Variants in EXOC3L2 observed in about 807,000 individuals in gnomAD.
EXOC3L2 encodes exocyst complex component 3 like 2, also known as exocyst complex component 3-like protein 2.
In EXOC3L2, 17 loss-of-function variants were observed where a neutral mutation model predicts 44.4. That is an observed-to-expected ratio of 0.38 (90% CI 0.26 to 0.57). EXOC3L2 has a LOEUF of 0.57. Ranked by LOEUF, EXOC3L2 falls within the 20% of genes least tolerant of loss-of-function variation. EXOC3L2 has a pLI of 0.65. For missense variants in EXOC3L2, 541 were observed against 588.4 expected (o/e 0.92, Z 0.83); for synonymous variants, 256 against 253.7 (o/e 1.01, Z -0.09).
chr19:45,245,369 C>A lies in EXOC3L2; in HGVS notation c.-45G>T. ...TGTCCTCCTGCCCGTCCTTCTGTTC[C>A]CGCTGCTGTCCTGTCCCCAGGCTAC... On this transcript the variant is annotated 5_prime_UTR_variant, in exon 1 of 12. Coordinates refer to ENST00000413988, the MANE Select transcript of EXOC3L2 (RefSeq NM_001382422.1). 6.5e-6 allele frequency: 1 copy of A among 152,856 alleles called. No individual in the cohort carries two copies. 9.5% of individuals were successfully genotyped at this position (152,856 alleles called of 1,614,324 possible).
chr19:45,223,007 C>A (rs1477137536), intron 8 of EXOC3L2, among the ~76,000 whole-genome samples: 1 of 152,136 alleles, frequency 6.6e-6, no homozygotes, highest in Non-Finnish European at 1.5e-5. Context: ...AATCCCAACA[C>A]TTTGGGAGGC....
In EXOC3L2 at chr19:45,218,201, T is replaced by A; in HGVS notation, c.1838A>T (p.Tyr613Phe). The A allele has an allele frequency of 8.0e-7, 1 of 1,249,282 alleles. No individual in the cohort carries two copies. The highest frequency in any genetic ancestry group is 1.1e-6 in the Non-Finnish European group (1 of 951,740). 77.4% of individuals were successfully genotyped at this position (1,249,282 alleles called of 1,614,324 possible). The change falls in exon 9 of 12, where the codon TAC becomes TTC. Residue 613 changes from tyrosine (Y) to phenylalanine (F), a missense_variant. Tyr to Phe is a conservative substitution (Grantham distance 22). Coordinates refer to ENST00000413988, the MANE Select transcript of EXOC3L2 (RefSeq NM_001382422.1). ...LALRRMQDEP[Y>F]QALVAELHRR... ...CCTCCCCTCAGGCAGGTGCACCTGG[T>A]AAGGCTCGTCCTGCATTCTGCGCAG...
intron 8 of EXOC3L2, among the ~76,000 whole-genome samples, chr19:45,222,544 C>G (rs906993984): frequency 6.6e-6 from 1 of 152,038 alleles, no homozygotes; most frequent in African/African-American, 2.4e-5. Flanking sequence ...TCCCTCTGTC[C>G]CAGTCTCTCT....
intron 1 of EXOC3L2, among the ~76,000 whole-genome samples, chr19:45,242,474 A>G (rs981569098): frequency 6.6e-6 from 1 of 151,202 alleles, no homozygotes; most frequent in Non-Finnish European, 1.5e-5. Context: ...CTGGTCTGGA[A>G]CTCCTGCTCC....
At position 45,227,643 on chromosome 19, in the gene EXOC3L2, AC is replaced by A; in HGVS notation, c.1583+18del. Reference sequence around the variant, plus strand: ...ACCTTGGATTGGTCCTCCCTCCATCACACCATGGATGCCCTCACCTCAGTGG... The same window carrying A: ...ACCTTGGATTGGTCCTCCCTCCATCAACCATGGATGCCCTCACCTCAGTGG... On this transcript the variant is annotated intron_variant, in intron 7 of 11. Coordinates refer to ENST00000413988, the MANE Select transcript of EXOC3L2 (RefSeq NM_001382422.1). 6.3e-7 allele frequency: 1 copy of A among 1,598,342 alleles called. No homozygotes were observed. The highest frequency in any genetic ancestry group is 1.1e-5 in the South Asian group (1 of 88,150).
chr19:45,227,661 C>A lies in EXOC3L2; in HGVS notation c.1583+1G>T. On this transcript the variant is annotated splice_donor_variant, in intron 7 of 11. Coordinates refer to ENST00000413988, the MANE Select transcript of EXOC3L2 (RefSeq NM_001382422.1). LOFTEE classifies it high-confidence loss of function. ...CTCCATCACACCATGGATGCCCTCA[C>A]CTCAGTGGGGGGCCGCAGTTGACCA... 6.2e-7 allele frequency: 1 copy of A among 1,609,264 alleles called. No homozygotes were observed. The highest frequency in any genetic ancestry group is 8.5e-7 in the Non-Finnish European group (1 of 1,178,432).
intron 7 of EXOC3L2, among the ~76,000 whole-genome samples, chr19:45,225,184 G>A (rs1969944664): frequency 7.9e-6 from 1 of 126,990 alleles, no homozygotes; most frequent in Non-Finnish European, 1.6e-5. Flanking sequence ...GGGAGGGAAG[G>A]GGGGTCTCTC....
intron 10 of EXOC3L2, among the ~76,000 whole-genome samples, chr19:45,216,506 G>A (rs1969836684): frequency 6.6e-6 from 1 of 152,084 alleles, no homozygotes; most frequent in African/African-American, 2.4e-5. Context: ...TTGAAATCGA[G>A]AGGCAGAGGT....
intron 9 of EXOC3L2, 41 bp downstream of exon 9, chr19:45,218,156 T>G: frequency 1.4e-5 from 15 of 1,078,242 alleles, no homozygotes; most frequent in East Asian, 6.2e-5. Context: ...CCTCCCCTCT[T>G]TTCCCCCACC....
At chr19:45,244,358 A>G (rs1013723751) in intron 1 of EXOC3L2, among the ~76,000 whole-genome samples, 2 of 152,000 alleles carry the variant, frequency 1.3e-5, no homozygotes, top group Non-Finnish European at 1.5e-5. Context: ...ATTGAAGTCA[A>G]CCTTGCCCGG....
chr19:45,222,958 A>G (rs2122965605), intron 8 of EXOC3L2, among the ~76,000 whole-genome samples: 1 of 152,284 alleles, frequency 6.6e-6, no homozygotes, highest in Middle Eastern at 3.4e-3. Context: ...AAGTCTGTAT[A>G]TTTAAGATAG....
chr19:45,224,890 C>G lies in EXOC3L2; in HGVS notation c.1607G>C (p.Arg536Pro). Reference protein sequence around the residue: ...PLRALAERLARVGPPESEPAR... With the variant: ...PLRALAERLAPVGPPESEPAR... ...CGGCTCGCTTTCTGGGGGCCCCACC[C>G]GGGCCAGGCGCTCGGCCAGAGCTCT... The change falls in exon 8 of 12, where the codon CGG (arginine) becomes CCG (proline). Residue 536 changes from arginine to proline, a missense_variant. Coordinates refer to ENST00000413988, the MANE Select transcript of EXOC3L2 (RefSeq NM_001382422.1). 6.4e-7 allele frequency: 1 copy of G among 1,558,930 alleles called. No homozygotes were observed. The highest frequency in any genetic ancestry group is 8.7e-7 in the Non-Finnish European group (1 of 1,150,518).
At chr19:45,244,300 A>G (rs972154014) in intron 1 of EXOC3L2, among the ~76,000 whole-genome samples, 2 of 151,334 alleles carry the variant, frequency 1.3e-5, no homozygotes, top group Admixed American at 6.6e-5. Flanking sequence ...TCCACCCCAT[A>G]ACTGTCTCCA....
Position 45,225,308 on chromosome 19 carries a change from A to G in EXOC3L2, c.1584-395T>C, listed in dbSNP as rs1349205807. ...TTTTGAGACGGAGTCTCGCTCTGTC[A>G]CCCAGGCTGCAGTGCAGTGGTGCCA... On this transcript the variant is annotated intron_variant, in intron 7 of 11. Transcript: ENST00000413988. 4.7e-5 allele frequency among the ~76,000 whole-genome samples: 7 copies of G among 149,128 alleles called. No individual in the cohort carries two copies. The East Asian group carries it at 1.2e-3, about 25-fold the overall frequency.
chr19:45,213,183 G>A lies in EXOC3L2; in HGVS notation c.2295C>T (p.Leu765=), dbSNP rs780128950. The change falls in exon 12 of 12, where the codon CTC becomes CTT. Residue 765 remains leucine (L), a synonymous_variant. Transcript: ENST00000413988. ...GGCGGCCCAGGAAGAGAGGGAGGCTGAGACAGAAAGATGGGCGGGGCACAG... is the reference window on the plus strand; with the variant it reads ...GGCGGCCCAGGAAGAGAGGGAGGCTAAGACAGAAAGATGGGCGGGGCACAG... ...DIPVPRPSFC[L]SLPLFLGRLP... is the part of the protein sequence containing the mutation. 1.2e-6 allele frequency: 2 copies of A among 1,605,884 alleles called. No homozygotes were observed. Among genetic ancestry groups the A allele is most frequent in the Non-Finnish European group, 1.7e-6 (2 of 1,176,070 alleles).
chr19:45,216,711 C>G (rs1044075779), intron 10 of EXOC3L2: 3 of 152,864 alleles, frequency 2.0e-5, no homozygotes, highest in African/African-American at 7.2e-5. Context: ...GAAACATCTC[C>G]AAACCTCTTC....
At chr19:45,213,502 C>T (rs1969801510) in intron 11 of EXOC3L2, 145 bp from the exon 12 acceptor site, 5 of 851,242 alleles carry the variant, frequency 5.9e-6, no homozygotes, top group Middle Eastern at 5.3e-4. Context: ...AGAGCCTTCC[C>T]TCCAATCAGC....
intron 7 of EXOC3L2, 126 bp downstream of exon 7, chr19:45,227,536 G>T: frequency 1.5e-6 from 1 of 685,244 alleles, no homozygotes; most frequent in Non-Finnish European, 2.5e-6. Context: ...CAGATTTTAT[G>T]CGTCTAAGGT....
intron 4 of EXOC3L2, among the ~76,000 whole-genome samples, chr19:45,228,601 G>A (rs1311486728): frequency 1.3e-5 from 2 of 152,002 alleles, no homozygotes. Context: ...GAGAAACCCC[G>A]TCTCTACTAA....
Sources: gnomAD v4.1 joint callset for allele counts (sites outside exome capture counted in the v4.1 genomes callset) on GRCh38, gnomAD v4.1.1 for gene constraint, MANE v1.5 for transcripts, NCBI Gene and HGNC (gene_info 2026-07-23, HGNC 2026-07-21) for gene names.